Variants in FSTL4 observed in about 807,000 individuals in gnomAD.
FSTL4 encodes the protein follistatin like 4.
A neutral mutation model predicts 78.2 loss-of-function variants in FSTL4; 28 were observed. That is an observed-to-expected ratio of 0.36 (90% CI 0.27 to 0.49). FSTL4 has a LOEUF of 0.49. Ranked by LOEUF, FSTL4 falls within the 20% of genes least tolerant of loss-of-function variation. The probability of loss-of-function intolerance (pLI) is 0.98; values close to 1 mark genes in which losing one functional copy is unlikely to be tolerated. For missense variants in FSTL4, 922 were observed against 1,084.9 expected (o/e 0.85, Z 2.11); for synonymous variants, 422 against 440.5 (o/e 0.96, Z 0.53).
intron 4 of FSTL4, among the ~76,000 whole-genome samples, chr5:133,358,760 C>T (rs1755001193): frequency 6.6e-6 from 1 of 151,974 alleles, no homozygotes; most frequent in Admixed American, 6.5e-5. Context: ...CCACCACACC[C>T]AGCTAATTTC....
chr5:133,238,822 G>A (rs1463743602), intron 7 of FSTL4, among the ~76,000 whole-genome samples: 2 of 152,258 alleles, frequency 1.3e-5, no homozygotes, highest in African/African-American at 2.4e-5. Flanking sequence ...AGAGATGACA[G>A]CATGCTGGCA....
At chr5:133,680,319 G>T in the FSTL4 span, among the ~76,000 whole-genome samples, 1 of 152,166 alleles carries the variant, frequency 6.6e-6, no homozygotes, top group Non-Finnish European at 1.5e-5. Flanking sequence ...ATAGCATGCG[G>T]CTAAGAGAGG....
At chr5:133,455,312 T>C (rs1757465901) in intron 3 of FSTL4, among the ~76,000 whole-genome samples, 1 of 152,202 alleles carries the variant, frequency 6.6e-6, no homozygotes, top group African/African-American at 2.4e-5. Context: ...GCTGGGCAAT[T>C]ATCTTGAGAG....
intron 3 of FSTL4, among the ~76,000 whole-genome samples, chr5:133,432,722 C>T (rs549960865): frequency 1.3e-5 from 2 of 152,294 alleles, no homozygotes; most frequent in African/African-American, 4.8e-5. Flanking sequence ...AAGTGGAAAC[C>T]TATGGAAGAT....
intron 7 of FSTL4, among the ~76,000 whole-genome samples, chr5:133,242,262 G>C (rs1239146258): frequency 6.6e-6 from 1 of 152,198 alleles, no homozygotes; most frequent in African/African-American, 2.4e-5. Flanking sequence ...ACCTCCTGGT[G>C]ACTCCCTTGT....
chr5:133,799,949 C>T, the FSTL4 span, among the ~76,000 whole-genome samples: 2 of 139,204 alleles, frequency 1.4e-5, no homozygotes, highest in South Asian at 2.3e-4. Context: ...CCTGCAGCAC[C>T]TGAGCACCCT....
chr5:133,199,140 T>C lies in FSTL4; in HGVS notation c.2484A>G (p.Ser828=). 1 of 1,586,988 alleles carries C rather than the reference T, an allele frequency of 6.3e-7. No individual in the cohort carries two copies. The highest frequency in any genetic ancestry group is 8.6e-7 in the Non-Finnish European group (1 of 1,163,740). Residue 828 remains serine, a synonymous_variant, in exon 16 of 16, where the codon TCA becomes TCG. Coordinates refer to ENST00000265342, the MANE Select transcript of FSTL4 (RefSeq NM_015082.2). The surrounding 1 kb of genome is among the most constrained non-coding windows in gnomAD (Gnocchi z 4.4). Reference sequence around the variant, plus strand: ...CCACTGTGGTCCCCCCCTTTATACCTGACACCTCACACCGCAGCGTGTTTT... The same window carrying C: ...CCACTGTGGTCCCCCCCTTTATACCCGACACCTCACACCGCAGCGTGTTTT... The part of the protein sequence containing the change: ...GRQNTLRCEV[S]GIKGGTTVVW...
chr5:133,569,517 C>T (rs1342752295), intron 2 of FSTL4, among the ~76,000 whole-genome samples: 1 of 152,150 alleles, frequency 6.6e-6, no homozygotes, highest in East Asian at 1.9e-4. Flanking sequence ...CTGTTTCCCT[C>T]TAGTGGAATG....
chr5:133,722,206 C>G, the FSTL4 span, among the ~76,000 whole-genome samples: 1 of 152,064 alleles, frequency 6.6e-6, no homozygotes, highest in Non-Finnish European at 1.5e-5. Context: ...ACATTAGATT[C>G]TCATAAGAGT....
intron 3 of FSTL4, among the ~76,000 whole-genome samples, chr5:133,403,782 C>T (rs932975153): frequency 6.6e-6 from 1 of 152,258 alleles, no homozygotes; most frequent in African/African-American, 2.4e-5. Flanking sequence ...CAGAGACCAC[C>T]TACTCCATCC....
the FSTL4 span, among the ~76,000 whole-genome samples, chr5:133,782,478 G>A: frequency 2.6e-5 from 4 of 152,172 alleles, no homozygotes; most frequent in South Asian, 6.2e-4. Context: ...AGATGAGCCC[G>A]TCACAGATGC....
intron 3 of FSTL4, among the ~76,000 whole-genome samples, chr5:133,499,164 C>T (rs2112875745): frequency 6.6e-6 from 1 of 152,236 alleles, no homozygotes; most frequent in Admixed American, 6.5e-5. Flanking sequence ...TTCTCATGAC[C>T]ATGTTTCAAA....
In FSTL4 at chr5:133,440,127, C is replaced by T. The variant is rs188697887; in HGVS notation, c.161-39141G>A. On this transcript the variant is annotated intron_variant, in intron 3 of 15. Coordinates refer to ENST00000265342, the MANE Select transcript of FSTL4 (RefSeq NM_015082.2). This position sits in a 1 kb window ranked among gnomAD's most constrained non-coding sequence, Gnocchi z 4.1. ...CCCTGGCTGTGGAAGAATGGCAGGTCCAGCTGGGCGAGTAGTACAGGAGAG... is the reference window on the plus strand; with the variant it reads ...CCCTGGCTGTGGAAGAATGGCAGGTTCAGCTGGGCGAGTAGTACAGGAGAG... Among the ~76,000 whole-genome samples, 31 of 152,210 alleles carry T rather than the reference C, an allele frequency of 2.0e-4. No homozygotes were observed. In the East Asian group the frequency reaches 5.0e-3, roughly 25 times the overall value.
the FSTL4 span, among the ~76,000 whole-genome samples, chr5:133,626,782 G>A: frequency 6.6e-6 from 1 of 152,108 alleles, no homozygotes; most frequent in Non-Finnish European, 1.5e-5. Context: ...CAAAGTTAGT[G>A]AGGTTTGTTT....
intron 4 of FSTL4, among the ~76,000 whole-genome samples, chr5:133,341,826 A>G (rs547858708): frequency 6.6e-6 from 1 of 152,278 alleles, no homozygotes; most frequent in South Asian, 2.1e-4. Context: ...TCTGTCATCC[A>G]TGATGCAAGA....
At chr5:133,686,622 C>A in the FSTL4 span, among the ~76,000 whole-genome samples, 1 of 152,220 alleles carries the variant, frequency 6.6e-6, no homozygotes, top group Non-Finnish European at 1.5e-5. Flanking sequence ...TCTGTCAATA[C>A]CTGCAGGCCA....
At chr5:133,235,054 G>A (rs987467800) in intron 7 of FSTL4, among the ~76,000 whole-genome samples, 1 of 152,106 alleles carries the variant, frequency 6.6e-6, no homozygotes, top group African/African-American at 2.4e-5. Flanking sequence ...TGGCATGAGG[G>A]CTAAAAGCAG....
the FSTL4 span, among the ~76,000 whole-genome samples, chr5:133,841,507 A>T: frequency 1.3e-5 from 2 of 152,208 alleles, no homozygotes; most frequent in African/African-American, 4.8e-5. Context: ...GATGCTCCAT[A>T]TTGACCACCT....
chr5:133,360,836 T>C (rs1755053048), intron 4 of FSTL4, among the ~76,000 whole-genome samples: 1 of 152,200 alleles, frequency 6.6e-6, no homozygotes, highest in Non-Finnish European at 1.5e-5. Flanking sequence ...AGATGGCGCG[T>C]CCCATTCTCT....
Sources: allele counts gnomAD v4.1 joint callset (sites outside exome capture counted in the v4.1 genomes callset), GRCh38; gene constraint gnomAD v4.1.1; non-coding constraint Gnocchi (gnomAD v3.1); transcripts MANE v1.5; gene names NCBI Gene and HGNC (gene_info 2026-07-23, HGNC 2026-07-21).